Variants in SLC39A11 observed in about 807,000 individuals in gnomAD.
SLC39A11 encodes solute carrier family 39 member 11.
In SLC39A11, 33 loss-of-function variants were observed where a neutral mutation model predicts 36.1. The ratio of observed to expected loss-of-function variants is 0.91; its 90% CI spans 0.69 to 1.22. The LOEUF (loss-of-function observed/expected upper bound fraction) is 1.22. SLC39A11 is among the 50% of genes most tolerant of loss of function. The probability of loss-of-function intolerance (pLI) is 0.00; values close to 1 mark genes in which losing one functional copy is unlikely to be tolerated. For synonymous variants in SLC39A11, 166 were observed against 170.3 expected, an observed-to-expected ratio of 0.97 and a Z score of 0.20; for missense variants, 432 against 430.3, an observed-to-expected ratio of 1.00 and a Z score of -0.03.
intron 7 of SLC39A11, among the ~76,000 whole-genome samples, chr17:72,731,856 G>T (rs1037446833): frequency 2.0e-5 from 3 of 151,720 alleles, no homozygotes; most frequent in African/African-American, 7.3e-5. Flanking sequence ...CTCCTGAGTA[G>T]CTGGGATTAC....
intron 5 of SLC39A11, among the ~76,000 whole-genome samples, chr17:72,899,757 T>C (rs1355986305): frequency 6.6e-6 from 1 of 151,678 alleles, no homozygotes; most frequent in Non-Finnish European, 1.5e-5. Flanking sequence ...AGGTCACGAG[T>C]TTGAGGACAG....
chr17:72,798,698 A>C (rs1485668924), intron 6 of SLC39A11, among the ~76,000 whole-genome samples: 4 of 151,894 alleles, frequency 2.6e-5, no homozygotes, highest in African/African-American at 9.7e-5. Flanking sequence ...CCCACTTCTT[A>C]TAAGAACACT....
chr17:72,813,747 G>T (rs747297337), intron 6 of SLC39A11, among the ~76,000 whole-genome samples: 1 of 152,188 alleles, frequency 6.6e-6, no homozygotes, highest in South Asian at 2.1e-4. Context: ...ACAAAAGTAC[G>T]CCAGGAGCTA....
intron 7 of SLC39A11, among the ~76,000 whole-genome samples, chr17:72,698,459 CAAAAAA>C (rs61454778): frequency 1.7e-4 from 16 of 92,994 alleles, no homozygotes; most frequent in African/African-American, 3.0e-4. Flanking sequence ...TAATAAAAAC[CAAAAAA>C]AAAAAAAAAA....
intron 6 of SLC39A11, among the ~76,000 whole-genome samples, chr17:72,845,219 C>T (rs1486062894): frequency 6.6e-6 from 1 of 152,232 alleles, no homozygotes; most frequent in Non-Finnish European, 1.5e-5. Flanking sequence ...CTTCAAAACT[C>T]TGCAATGGCT....
rs937643076 is a variant in SLC39A11, at chr17:72,959,367, G to A, written c.307-11492C>T. ...TATATATATATATATATATATATAT[G>A]ATCGAATACTACACTCAGCCATAAG... On this transcript the variant is annotated intron_variant, in intron 4 of 9. Transcript: ENST00000255559. Among the ~76,000 whole-genome samples the A allele has an allele frequency of 5.1e-3, 418 of 81,594 alleles. 2 individuals carry two copies. Among genetic ancestry groups the A allele is most frequent in the Non-Finnish European group, 8.8e-3 (344 of 39,258 alleles). The allele number at this position is 81,594 out of a possible 152,430, so 53.5% of individuals were successfully genotyped here. A position where few individuals can be genotyped will look rare whatever the true frequency, so the allele number is the denominator to read the frequency against.
chr17:72,946,088 T>G (rs1242239691), intron 5 of SLC39A11, among the ~76,000 whole-genome samples: 1 of 152,210 alleles, frequency 6.6e-6, no homozygotes, highest in African/African-American at 2.4e-5. Flanking sequence ...TGGCCTTGTG[T>G]TCAGAACTCA....
At chr17:72,767,070 T>C (rs1431531067) in intron 6 of SLC39A11, among the ~76,000 whole-genome samples, 2 of 152,192 alleles carry the variant, frequency 1.3e-5, no homozygotes, top group African/African-American at 4.8e-5. Flanking sequence ...ATAAATATTC[T>C]TTGTCCATAA....
Position 73,029,111 on chromosome 17 carries a change from C to A in SLC39A11, c.306+2445G>T, listed in dbSNP as rs564447307. ...CCAGCCTGGGTGACAGAGTGAGACG[C>A]CGTCACACACACACAAAAAAAAATT... On this transcript the variant is annotated intron_variant, in intron 4 of 9. Coordinates refer to ENST00000255559, the MANE Select transcript of SLC39A11 (RefSeq NM_139177.4). 2.6e-4 allele frequency among the ~76,000 whole-genome samples: 17 copies of A among 64,750 alleles called. No homozygotes were observed. The Admixed American group carries it at 3.2e-3, about 12-fold the overall frequency. 42.5% of individuals were successfully genotyped at this position (64,750 alleles called of 152,430 possible). A position where few individuals can be genotyped will look rare whatever the true frequency, so the allele number is the denominator to read the frequency against.
At chr17:72,907,325 A>G (rs2147047457) in intron 5 of SLC39A11, among the ~76,000 whole-genome samples, 1 of 152,284 alleles carries the variant, frequency 6.6e-6, no homozygotes, top group Middle Eastern at 3.4e-3. Flanking sequence ...CCCTGTCTCT[A>G]CTAAAAATAC....
In SLC39A11 at chr17:72,647,500, G is replaced by T; in HGVS notation, c.*84C>A. 8.7e-7 allele frequency: 1 copy of T among 1,149,836 alleles called. No individual in the cohort carries two copies. The highest frequency in any genetic ancestry group is 1.3e-6 in the Non-Finnish European group (1 of 796,644). The allele number at this position is 1,149,836 out of a possible 1,614,324, so 71.2% of individuals were successfully genotyped here. ...AGAGGAAGGAAAAAAGTTTTAATGTGAAGAAAGAAGCTTGTTGTCCCATAG... is the reference window on the plus strand; with the variant it reads ...AGAGGAAGGAAAAAAGTTTTAATGTTAAGAAAGAAGCTTGTTGTCCCATAG... On this transcript the variant is annotated 3_prime_UTR_variant, in exon 10 of 10. Transcript: ENST00000255559.
intron 5 of SLC39A11, among the ~76,000 whole-genome samples, chr17:72,929,802 G>A (rs1431381924): frequency 6.6e-6 from 1 of 152,076 alleles, no homozygotes; most frequent in Non-Finnish European, 1.5e-5. Flanking sequence ...ATAAAGAAAA[G>A]AACTGCCAAT....
chr17:72,659,574 C>CTTTTTTTTTTT (rs34383683), intron 7 of SLC39A11, among the ~76,000 whole-genome samples: 3 of 61,202 alleles, frequency 4.9e-5, no homozygotes, highest in Non-Finnish European at 8.6e-5. Flanking sequence ...CTCTGTGACT[C>CTTTTTTTTTTT]TTTTTTTTTT....
chr17:72,733,034 G>A (rs1385734030), intron 7 of SLC39A11, among the ~76,000 whole-genome samples: 1 of 152,138 alleles, frequency 6.6e-6, no homozygotes, highest in Non-Finnish European at 1.5e-5. Context: ...CCCTTTTACA[G>A]AAGGCAATGC....
At chr17:73,042,616 C>A (rs933787976) in intron 3 of SLC39A11, among the ~76,000 whole-genome samples, 1 of 152,130 alleles carries the variant, frequency 6.6e-6, no homozygotes, top group South Asian at 2.1e-4. Context: ...GCATGGCCAA[C>A]GTGGTGAAAC....
At chr17:72,718,529 T>A (rs2073510444) in intron 7 of SLC39A11, among the ~76,000 whole-genome samples, 1 of 151,824 alleles carries the variant, frequency 6.6e-6, no homozygotes, top group Non-Finnish European at 1.5e-5. Flanking sequence ...ACAACTGAGT[T>A]GACCCCATTT....
chr17:72,919,669 CAA>C (rs35888661), intron 5 of SLC39A11, among the ~76,000 whole-genome samples: 25 of 68,972 alleles, frequency 3.6e-4, no homozygotes, highest in Admixed American at 1.2e-3. Context: ...GAGAGTCCGT[CAA>C]AAAAAAAAAA....
chr17:72,675,766 C>G (rs1356577294), intron 7 of SLC39A11, among the ~76,000 whole-genome samples: 1 of 152,214 alleles, frequency 6.6e-6, no homozygotes, highest in Non-Finnish European at 1.5e-5. Flanking sequence ...TCACCGCAAC[C>G]TCCGCCTCCT....
At chr17:72,967,741 C>T (rs191251563) in intron 4 of SLC39A11, among the ~76,000 whole-genome samples, 1 of 152,198 alleles carries the variant, frequency 6.6e-6, no homozygotes, top group African/African-American at 2.4e-5. Flanking sequence ...TCGCACTGTG[C>T]ACCTTCAGAG....
Sources: allele counts gnomAD v4.1 joint callset (sites outside exome capture counted in the v4.1 genomes callset), GRCh38; gene constraint gnomAD v4.1.1; transcripts MANE v1.5; gene names NCBI Gene and HGNC (gene_info 2026-07-23, HGNC 2026-07-21).